Variants in ROBO1 observed in about 807,000 individuals in gnomAD.
ROBO1 encodes roundabout guidance receptor 1.
ROBO1 carries 149 observed loss-of-function variants against 195.9 expected under a neutral mutation model. That is an observed-to-expected ratio of 0.76 (90% CI 0.67 to 0.87). The LOEUF is 0.87. Among genes scored for constraint, ROBO1 ranks in the 40% least tolerant of loss-of-function variants. The probability of loss-of-function intolerance (pLI) is 0.00; values close to 1 mark genes in which losing one functional copy is unlikely to be tolerated. For synonymous variants in ROBO1, 816 were observed against 733.2 expected, an observed-to-expected ratio of 1.11 and a Z score of -1.82; for missense variants, 1,933 against 2,068.3, an observed-to-expected ratio of 0.93 and a Z score of 1.27.
chr3:78,799,960 C>T (rs113021485), intron 4 of ROBO1, among the ~76,000 whole-genome samples: 4,635 of 152,182 alleles, frequency 0.03, 191 homozygotes, highest in African/African-American at 0.095. Context: ...ATGGTCACCC[C>T]AGCCTGAAAG....
chr3:79,333,788 G>A (rs539726576), intron 2 of ROBO1, among the ~76,000 whole-genome samples: 30 of 152,258 alleles, frequency 2.0e-4, no homozygotes, highest in African/African-American at 6.7e-4. Flanking sequence ...TATTACTAAT[G>A]GCCTGAAAAG....
intron 3 of ROBO1, among the ~76,000 whole-genome samples, chr3:78,988,890 G>C (rs1395149791): frequency 6.6e-6 from 1 of 152,192 alleles, no homozygotes; most frequent in African/African-American, 2.4e-5. Context: ...TATGAGGAAT[G>C]TGATATACAT....
intron 4 of ROBO1, among the ~76,000 whole-genome samples, chr3:78,800,707 C>T (rs912492300): frequency 1.3e-4 from 20 of 152,056 alleles, no homozygotes; most frequent in African/African-American, 4.6e-4. Flanking sequence ...CAGGCGCCCA[C>T]CACCATGCCC....
At position 78,683,523 on chromosome 3, in the gene ROBO1, G is replaced by A. The variant is rs182521988; in HGVS notation, c.1342+2223C>T. Among the ~76,000 whole-genome samples the A allele has an allele frequency of 1.6e-3, 236 of 152,058 alleles. 2 individuals are homozygous for A. Among genetic ancestry groups the A allele is most frequent in the African/African-American group, 5.5e-3 (228 of 41,528 alleles). On this transcript the variant is annotated intron_variant, in intron 10 of 30. Coordinates refer to ENST00000464233, the MANE Select transcript of ROBO1 (RefSeq NM_002941.4). ...CACCAGTTTTTAAGACTTAGTATAA[G>A]CTACAATAATTAACACATATGGGCC...
At chr3:78,652,041 C>A in intron 18 of ROBO1, 112 bp from the exon 19 acceptor site, 1 of 817,106 alleles carries the variant, frequency 1.2e-6, no homozygotes, top group Non-Finnish European at 2.0e-6. Flanking sequence ...TTCTGTTTTT[C>A]CTCTCACACC....
chr3:79,556,209 G>A (rs914049632), intron 2 of ROBO1, among the ~76,000 whole-genome samples: 2 of 151,854 alleles, frequency 1.3e-5, no homozygotes, highest in Non-Finnish European at 2.9e-5. Flanking sequence ...TCAAATCTAA[G>A]TTATCACTAT....
At chr3:78,963,617 C>T (rs2041517514) in intron 3 of ROBO1, among the ~76,000 whole-genome samples, 1 of 140,938 alleles carries the variant, frequency 7.1e-6, no homozygotes, top group Admixed American at 7.8e-5. Context: ...CTCCCGGGTT[C>T]ACGCCATTCT....
At chr3:79,305,831 T>C (rs1245573711) in intron 2 of ROBO1, among the ~76,000 whole-genome samples, 1 of 152,272 alleles carries the variant, frequency 6.6e-6, no homozygotes, top group East Asian at 1.9e-4. Flanking sequence ...GAAAGAACAT[T>C]GTTCACTATT....
At chr3:78,608,626 A>G (rs1294438015) in intron 28 of ROBO1, among the ~76,000 whole-genome samples, 1 of 152,178 alleles carries the variant, frequency 6.6e-6, no homozygotes, top group South Asian at 2.1e-4. Flanking sequence ...TGTATTAATA[A>G]GAAAAGCTTC....
chr3:78,717,848 A>G lies in ROBO1; in HGVS notation c.693T>C (p.Arg231=), dbSNP rs751897146. The change falls in exon 6 of 31, where the codon CGT becomes CGC. Residue 231 remains arginine (R), a synonymous_variant. Coordinates refer to ENST00000464233, the MANE Select transcript of ROBO1 (RefSeq NM_002941.4). The stretch of plus-strand genomic sequence containing the variant: ...AAACATATTTGCCAGCGTCACTTTT[A>G]CGGGTGTAAGTGATCATGAGCTTTC... ...RGGKLMITYT[R]KSDAGKYVCV... The G allele has an allele frequency of 6.2e-7, 1 of 1,613,728 alleles. No homozygotes were observed. Among genetic ancestry groups the G allele is most frequent in the South Asian group, 1.1e-5 (1 of 91,054 alleles).
chr3:78,680,071 A>C (rs1396736772), intron 10 of ROBO1, among the ~76,000 whole-genome samples: 2 of 152,216 alleles, frequency 1.3e-5, no homozygotes, highest in East Asian at 3.8e-4. Flanking sequence ...GACAAAAACA[A>C]GCAATGGGGA....
chr3:79,244,005 C>G (rs976083730), intron 2 of ROBO1, among the ~76,000 whole-genome samples: 9 of 152,006 alleles, frequency 5.9e-5, no homozygotes, highest in East Asian at 5.8e-4. Context: ...ATTAATTTTT[C>G]TATAAGGTGT....
intron 2 of ROBO1, among the ~76,000 whole-genome samples, chr3:79,334,931 C>T (rs2034602905): frequency 6.6e-6 from 1 of 151,532 alleles, no homozygotes; most frequent in Admixed American, 6.6e-5. Flanking sequence ...TGTGGTGAAA[C>T]TCTGTGTCTA....
At chr3:79,182,952 G>C (rs1373623348) in intron 2 of ROBO1, among the ~76,000 whole-genome samples, 1 of 151,496 alleles carries the variant, frequency 6.6e-6, no homozygotes, top group Non-Finnish European at 1.5e-5. Context: ...GTGGTGGCAC[G>C]TGCCTGTAGT....
chr3:79,503,948 C>T (rs1159688454), intron 2 of ROBO1, among the ~76,000 whole-genome samples: 1 of 152,126 alleles, frequency 6.6e-6, no homozygotes. Flanking sequence ...CCTTACTTTA[C>T]AAGGCACAGA....
At chr3:79,651,124 ATGTT>A (rs1477520850) in intron 1 of ROBO1, among the ~76,000 whole-genome samples, 2 of 152,028 alleles carry the variant, frequency 1.3e-5, no homozygotes, top group African/African-American at 4.8e-5. Context: ...CACATTATAT[ATGTT>A]TATGTTTTCA....
At chr3:79,606,834 A>C (rs1944501948) in intron 1 of ROBO1, among the ~76,000 whole-genome samples, 3 of 151,998 alleles carry the variant, frequency 2.0e-5, no homozygotes. Context: ...ATTATTGATA[A>C]AGAATAATAA....
At chr3:79,335,841 T>C (rs1288556937) in intron 2 of ROBO1, among the ~76,000 whole-genome samples, 7 of 152,162 alleles carry the variant, frequency 4.6e-5, no homozygotes, top group Admixed American at 3.9e-4. Context: ...CTTTGGTACT[T>C]CCTAGAGACT....
chr3:78,645,254 G>A (rs889813187), intron 21 of ROBO1, among the ~76,000 whole-genome samples: 2 of 151,936 alleles, frequency 1.3e-5, no homozygotes, highest in African/African-American at 4.8e-5. Context: ...ACTAAATTCA[G>A]TAATTTTCTT....
Sources: allele counts gnomAD v4.1 joint callset (sites outside exome capture counted in the v4.1 genomes callset), GRCh38; gene constraint gnomAD v4.1.1; transcripts MANE v1.5; gene names NCBI Gene and HGNC (gene_info 2026-07-23, HGNC 2026-07-21).